The following RAD18 variants were observed in gnomAD, a reference collection of about 807,000 sequenced individuals.
RAD18 encodes RAD18 E3 ubiquitin protein ligase.
RAD18 carries 47 observed loss-of-function variants against 60.4 expected under a neutral mutation model. The observed-to-expected ratio is 0.78, with a 90% CI of 0.62 to 0.99. The LOEUF is 0.99. RAD18 is among the 50% of genes least tolerant of loss of function. The pLI is 0.00. For missense variants in RAD18, 640 were observed against 593.3 expected (o/e 1.08, Z -0.82); for synonymous variants, 225 against 195.5 (o/e 1.15, Z -1.26).
At chr3:8,921,141 A>T (rs187207184) in intron 7 of RAD18, among the ~76,000 whole-genome samples, 2 of 152,358 alleles carry the variant, frequency 1.3e-5, no homozygotes, top group East Asian at 3.9e-4. Flanking sequence ...AGAAAAAGAG[A>T]GAAAGAGGAA....
chr3:8,953,151 T>C (rs1245999033), intron 2 of RAD18, among the ~76,000 whole-genome samples: 4 of 150,850 alleles, frequency 2.7e-5, no homozygotes, highest in Non-Finnish European at 5.9e-5. Flanking sequence ...TATACTATAA[T>C]GTATACTTAT....
At chr3:8,950,854 G>A (rs957579651) in intron 2 of RAD18, among the ~76,000 whole-genome samples, 6 of 152,148 alleles carry the variant, frequency 3.9e-5, no homozygotes, top group Admixed American at 6.5e-5. Flanking sequence ...GAATGCTAGC[G>A]ATAAAAAGAA....
chr3:8,941,317 C>T (rs1289812167), intron 5 of RAD18, 150 bp downstream of exon 5: 2 of 721,100 alleles, frequency 2.8e-6, no homozygotes, highest in South Asian at 2.1e-5. Flanking sequence ...AGAGAACAAA[C>T]ATATCTACAA....
rs1940742408 is a variant in RAD18, at chr3:8,941,307, A to G, written c.604+160T>C. On this transcript the variant is annotated intron_variant, in intron 5 of 12. Transcript: ENST00000264926. The stretch of plus-strand genomic sequence containing the variant: ...CTGAATTCCTGTTTCTGAGAGAGAA[A>G]GAGAACAAACATATCTACAACAATG... 2.6e-5 allele frequency among the ~76,000 whole-genome samples: 4 copies of G among 152,200 alleles called. No individual in the cohort carries two copies. In the South Asian group the frequency reaches 6.2e-4, roughly 24 times the overall value.
intron 1 of RAD18, among the ~76,000 whole-genome samples, chr3:8,959,560 C>A (rs777377929): frequency 1.3e-5 from 2 of 152,162 alleles, no homozygotes; most frequent in Non-Finnish European, 2.9e-5. Context: ...CCAGTGCTTT[C>A]GGCATGGTAC....
chr3:8,916,891 CAGA>C (rs1330944955), intron 7 of RAD18, among the ~76,000 whole-genome samples: 3 of 152,012 alleles, frequency 2.0e-5, no homozygotes, highest in Admixed American at 6.5e-5. Context: ...ATAGAAATCA[CAGA>C]AGAAGAAAAA....
At position 8,881,042 on chromosome 3, in the gene RAD18, T is replaced by TAAAAC. The variant is rs1553623419; in HGVS notation, c.*314_*315insGTTTT. ...CTAAGGACATTCTGAAATTTAATTA[T>TAAAAC]CAAACCAAACCAAACCAAACCAAAT... On this transcript the variant is annotated 3_prime_UTR_variant, in exon 13 of 13. Transcript: ENST00000264926. The TAAAAC allele has an allele frequency of 9.0e-6, 2 of 222,882 alleles. No homozygotes were observed. Among genetic ancestry groups the TAAAAC allele is most frequent in the African/African-American group, 4.6e-5 (2 of 43,200 alleles). 13.8% of individuals were successfully genotyped at this position (222,882 alleles called of 1,614,324 possible). A position where few individuals can be genotyped will look rare whatever the true frequency, so the allele number is the denominator to read the frequency against.
intron 6 of RAD18, among the ~76,000 whole-genome samples, chr3:8,937,493 A>T (rs1289425377): frequency 6.7e-6 from 1 of 150,150 alleles, no homozygotes; most frequent in East Asian, 1.9e-4. Context: ...GGCAGTTCTG[A>T]CATGGTTTTA....
At chr3:8,931,981 C>T (rs562945562) in intron 7 of RAD18, among the ~76,000 whole-genome samples, 2 of 152,142 alleles carry the variant, frequency 1.3e-5, no homozygotes, top group African/African-American at 4.8e-5. Context: ...ATTTACCTTC[C>T]ACCATACAGA....
chr3:8,917,004 GAT>G (rs1374899806), intron 7 of RAD18, among the ~76,000 whole-genome samples: 1 of 151,992 alleles, frequency 6.6e-6, no homozygotes, highest in African/African-American at 2.4e-5. Context: ...AAGCAACACA[GAT>G]ATAAAAACAA....
chr3:8,951,129 C>T (rs1250498396), intron 2 of RAD18, among the ~76,000 whole-genome samples: 2 of 152,110 alleles, frequency 1.3e-5, no homozygotes, highest in African/African-American at 4.8e-5. Context: ...TAATGTTAAA[C>T]ACTAAACTAC....
intron 7 of RAD18, among the ~76,000 whole-genome samples, chr3:8,917,183 A>G (rs1264457544): frequency 6.6e-6 from 1 of 152,184 alleles, no homozygotes; most frequent in African/African-American, 2.4e-5. Flanking sequence ...CATTAGAAAA[A>G]AGCCCGCCAA....
At chr3:8,955,590 G>A (rs1390038467) in intron 2 of RAD18, among the ~76,000 whole-genome samples, 1 of 152,136 alleles carries the variant, frequency 6.6e-6, no homozygotes, top group African/African-American at 2.4e-5. Context: ...TCAACTTGGG[G>A]TGCTTTGGAT....
Position 8,905,812 on chromosome 3 carries a change from T to C in RAD18, c.1028-3292A>G, listed in dbSNP as rs531560191. Among the ~76,000 whole-genome samples, 67 of 152,352 alleles carry C rather than the reference T, an allele frequency of 4.4e-4. 1 individual carries two copies. In the South Asian group the frequency reaches 0.014, roughly 31 times the overall value. On this transcript the variant is annotated intron_variant, in intron 9 of 12. Transcript: ENST00000264926. ...TCTATCTCACACTTTCTTCTCTTCA[T>C]TCAAATATTCGACACTCCCCATGTG...
At chr3:8,946,517 G>C (rs1330919313) in intron 4 of RAD18, among the ~76,000 whole-genome samples, 2 of 152,220 alleles carry the variant, frequency 1.3e-5, no homozygotes, top group Non-Finnish European at 2.9e-5. Flanking sequence ...TGACTTGCAT[G>C]ATTAAAACTA....
chr3:8,901,210 C>G (rs920129965), intron 10 of RAD18, among the ~76,000 whole-genome samples: 31 of 152,008 alleles, frequency 2.0e-4, no homozygotes, highest in Non-Finnish European at 4.0e-4. Context: ...AAATTGGAAC[C>G]CTCATGCTTC....
At chr3:8,962,619 C>T (rs1186761270) in intron 1 of RAD18, among the ~76,000 whole-genome samples, 3 of 152,256 alleles carry the variant, frequency 2.0e-5, no homozygotes, top group African/African-American at 7.2e-5. Flanking sequence ...TTATCCAGCA[C>T]AGCAAAGTGC....
At chr3:8,890,660 G>T (rs1345824312) in intron 11 of RAD18, among the ~76,000 whole-genome samples, 4 of 152,130 alleles carry the variant, frequency 2.6e-5, no homozygotes, top group African/African-American at 9.7e-5. Flanking sequence ...AAAGGCCAAA[G>T]GCGCTGAAAA....
Position 8,936,008 on chromosome 3 carries a change from A to G in RAD18, c.752T>C (p.Leu251Pro). 1 of 1,609,762 alleles carries G rather than the reference A, an allele frequency of 6.2e-7. No homozygotes were observed. Among genetic ancestry groups the G allele is most frequent in the Non-Finnish European group, 8.5e-7 (1 of 1,177,800 alleles). The change falls in exon 7 of 13, where the codon CTC (leucine) becomes CCC (proline). Residue 251 changes from leucine to proline, a missense_variant. Coordinates refer to ENST00000264926, the MANE Select transcript of RAD18 (RefSeq NM_020165.4). ...CTTTTTCTTTAAATCACGATCAGAG[A>G]GCAAATTATATACAGTTTTGGGCAG... ...KPLPKTVYNL[L>P]SDRDLKKKLK...
Sources: gnomAD v4.1 joint callset for allele counts (sites outside exome capture counted in the v4.1 genomes callset) on GRCh38, gnomAD v4.1.1 for gene constraint, MANE v1.5 for transcripts, NCBI Gene and HGNC (gene_info 2026-07-23, HGNC 2026-07-21) for gene names.